Variants in KYAT1 observed in about 807,000 individuals in gnomAD.
The protein encoded by KYAT1 is kynurenine--oxoglutarate transaminase 1.
In KYAT1, 47 loss-of-function variants were observed where a neutral mutation model predicts 52.4. The observed-to-expected ratio is 0.90, with a 90% CI of 0.71 to 1.14. The LOEUF (loss-of-function observed/expected upper bound fraction) is 1.14. Ranked by LOEUF, KYAT1 falls within the 50% of genes most tolerant of loss-of-function variation. The pLI, the probability that KYAT1 is intolerant of heterozygous loss-of-function variation, is 0.00. For synonymous variants in KYAT1, 212 were observed against 209.6 expected, an observed-to-expected ratio of 1.01 and a Z score of -0.10; for missense variants, 480 against 557.9, an observed-to-expected ratio of 0.86 and a Z score of 1.41.
chr9:128,875,248 G>GTTTTTTTTTTT (rs1201067985), intron 1 of KYAT1, among the ~76,000 whole-genome samples: 10 of 108,332 alleles, frequency 9.2e-5, no homozygotes, highest in Non-Finnish European at 1.8e-4. Context: ...GTTTTTTTTT[G>GTTTTTTTTTTT]TTTTTTTTTT....
At position 128,835,407 on chromosome 9, in the gene KYAT1, G is replaced by C. The variant is rs1830869833; in HGVS notation, c.1043-5C>G. ...GCAAGTCAGGCATCTTCCTCTCTGG[G>C]AGACAGAGGCCACACTGAGCCCCCT... On this transcript the variant is annotated splice_polypyrimidine_tract_variant and splice_region_variant and intron_variant, in intron 10 of 12. Transcript: ENST00000302586. The C allele has an allele frequency of 5.0e-6, 8 of 1,613,956 alleles. No homozygotes were observed. The highest frequency in any genetic ancestry group is 6.8e-6 in the Non-Finnish European group (8 of 1,179,956).
rs1186926530 is a variant in KYAT1 at position 128,842,800 on chromosome 9, C to T, written c.55G>A (p.Val19Met). 4 of 1,612,654 alleles carry T rather than the reference C, an allele frequency of 2.5e-6. No homozygotes were observed. The highest frequency in any genetic ancestry group is 3.4e-6 in the Non-Finnish European group (4 of 1,179,250). Reference sequence around the variant, plus strand: ...TCACTGGCCAGTTTCACAAACTCCACCCTGGGTAACAAATGGAGAATCAGC... The same window carrying T: ...TCACTGGCCAGTTTCACAAACTCCATCCTGGGTAACAAATGGAGAATCAGC... The part of the protein sequence containing the change: ...RLDGIDYNPW[V>M]EFVKLASEHD... The change falls in exon 3 of 13, where the codon GTG (valine) becomes ATG (methionine). Residue 19 changes from valine to methionine, a missense_variant and splice_region_variant. By Grantham distance (21) the Val-to-Met change is conservative. Coordinates refer to ENST00000302586, the MANE Select transcript of KYAT1 (RefSeq NM_004059.5).
At chr9:128,850,887 T>C (rs1194973072) in intron 1 of KYAT1, among the ~76,000 whole-genome samples, 1 of 152,158 alleles carries the variant, frequency 6.6e-6, no homozygotes. Flanking sequence ...CACTGAGATG[T>C]TTGGGTGGAG....
chr9:128,861,977 G>A (rs1362970152), intron 1 of KYAT1, among the ~76,000 whole-genome samples: 1 of 152,162 alleles, frequency 6.6e-6, no homozygotes, highest in Non-Finnish European at 1.5e-5. Context: ...AGGAGGAGCT[G>A]GATTTCACCC....
At chr9:128,852,429 G>A (rs1474428203) in intron 1 of KYAT1, among the ~76,000 whole-genome samples, 1 of 152,248 alleles carries the variant, frequency 6.6e-6, no homozygotes, top group Non-Finnish European at 1.5e-5. Flanking sequence ...AGTGGAAAGT[G>A]TTGCCTCAGT....
At chr9:128,834,395 C>A (rs1830637096) in intron 11 of KYAT1, among the ~76,000 whole-genome samples, 1 of 152,142 alleles carries the variant, frequency 6.6e-6, no homozygotes, top group African/African-American at 2.4e-5. Flanking sequence ...AAGAACAAAG[C>A]CTTAGAGTCA....
chr9:128,879,048 C>T (rs929739560), intron 1 of KYAT1, among the ~76,000 whole-genome samples: 24 of 152,180 alleles, frequency 1.6e-4, no homozygotes, highest in African/African-American at 4.8e-4. Flanking sequence ...CGGTGGCTCA[C>T]GCCTGTAATC....
rs1239023543 is a variant in KYAT1 at position 128,833,178 on chromosome 9, A to G, written c.*406T>C. Reference sequence around the variant, plus strand: ...AGGAGAGGCTTGAGGACTCAAGCCTAAAGGCAACTCCCCAAGGCCAAGATG... The same window carrying G: ...AGGAGAGGCTTGAGGACTCAAGCCTGAAGGCAACTCCCCAAGGCCAAGATG... On this transcript the variant is annotated 3_prime_UTR_variant, in exon 13 of 13. Coordinates refer to ENST00000302586, the MANE Select transcript of KYAT1 (RefSeq NM_004059.5). 1 of 234,338 alleles carries G rather than the reference A, an allele frequency of 4.3e-6. No individual in the cohort carries two copies. Among genetic ancestry groups the G allele is most frequent in the African/African-American group, 2.3e-5 (1 of 44,348 alleles). 14.5% of individuals were successfully genotyped at this position (234,338 alleles called of 1,614,324 possible). A position where few individuals can be genotyped will look rare whatever the true frequency, so the allele number is the denominator to read the frequency against.
At chr9:128,873,074 TAAA>T (rs549497155) in intron 1 of KYAT1, among the ~76,000 whole-genome samples, 11 of 118,720 alleles carry the variant, frequency 9.3e-5, no homozygotes, top group East Asian at 2.5e-4. Context: ...AGACTCCATT[TAAA>T]AAAAAAAAAA....
At position 128,842,653 on chromosome 9, in the gene KYAT1, C is replaced by T. The variant is rs199898195; in HGVS notation, c.201+1G>A. ...CCTCCACGAGAGATGGGGAGACTCA[C>T]AAATGTCTTGGTGTACTGGTTAAGC... On this transcript the variant is annotated splice_donor_variant, in intron 3 of 12. Transcript: ENST00000302586. LOFTEE classifies it high-confidence loss of function. 3.7e-6 allele frequency: 6 copies of T among 1,612,764 alleles called. No individual in the cohort carries two copies. In the African/African-American group the frequency reaches 4.0e-5, roughly 11 times the overall value.
intron 11 of KYAT1, 67 bp downstream of exon 11, chr9:128,835,256 T>C: frequency 7.3e-7 from 1 of 1,368,432 alleles, no homozygotes; most frequent in African/African-American, 1.4e-5. Context: ...GCCTCTTGCC[T>C]GGGCACCCTT....
chr9:128,870,227 C>A (rs963393481), intron 1 of KYAT1, among the ~76,000 whole-genome samples: 1 of 152,152 alleles, frequency 6.6e-6, no homozygotes, highest in Admixed American at 6.6e-5. Context: ...GTGAAAAAAA[C>A]CCAAATTGTC....
At chr9:128,843,847 G>A (rs1177801314) in intron 2 of KYAT1, among the ~76,000 whole-genome samples, 1 of 152,146 alleles carries the variant, frequency 6.6e-6, no homozygotes, top group Admixed American at 6.5e-5. Context: ...ACTCCTCCTT[G>A]GATTCGTCAA....
At chr9:128,873,096 A>G (rs7038352) in intron 1 of KYAT1, among the ~76,000 whole-genome samples, 58 of 149,528 alleles carry the variant, frequency 3.9e-4, no homozygotes, top group Non-Finnish European at 6.4e-4. Flanking sequence ...AAAAAAAAAG[A>G]CCATGTAAAC....
chr9:128,834,421 T>G (rs1279887941), intron 11 of KYAT1, among the ~76,000 whole-genome samples: 2 of 152,114 alleles, frequency 1.3e-5, no homozygotes, highest in Non-Finnish European at 2.9e-5. Flanking sequence ...CAAACCTGGA[T>G]GAACTCAAGA....
intron 2 of KYAT1, among the ~76,000 whole-genome samples, chr9:128,844,446 T>A (rs1340638813): frequency 6.6e-6 from 1 of 150,526 alleles, no homozygotes; most frequent in Non-Finnish European, 1.5e-5. Flanking sequence ...TTTGGGAGGC[T>A]GAGGCGGGTG....
chr9:128,837,850 C>A lies in KYAT1; in HGVS notation c.439-37G>T, dbSNP rs74427841. 8.3e-4 allele frequency: 1,340 copies of A among 1,611,034 alleles called. 12 individuals carry two copies. In the African/African-American group the frequency reaches 0.016, roughly 19 times the overall value. ...GGTGGCATGGGGTGGTACCACTTAA[C>A]CACCTGACATGCAGGTCTTCCCCAG... On this transcript the variant is annotated intron_variant, in intron 5 of 12. Coordinates refer to ENST00000302586, the MANE Select transcript of KYAT1 (RefSeq NM_004059.5).
At chr9:128,861,398 T>C (rs1422326306) in intron 1 of KYAT1, among the ~76,000 whole-genome samples, 3 of 152,184 alleles carry the variant, frequency 2.0e-5, no homozygotes, top group Admixed American at 6.5e-5. Context: ...CCTGCCGCCA[T>C]GTGAAGAACG....
intron 3 of KYAT1, among the ~76,000 whole-genome samples, chr9:128,839,858 C>G (rs1831832096): frequency 6.6e-6 from 1 of 151,872 alleles, no homozygotes; most frequent in Non-Finnish European, 1.5e-5. Context: ...TTGAGAACAG[C>G]CTGGGCAACA....
Sources: allele counts gnomAD v4.1 joint callset (sites outside exome capture counted in the v4.1 genomes callset), GRCh38; gene constraint gnomAD v4.1.1; transcripts MANE v1.5; gene names NCBI Gene and HGNC (gene_info 2026-07-23, HGNC 2026-07-21).